POLQ: variants seen among roughly 807,000 people sequenced by gnomAD.
POLQ encodes DNA polymerase theta, also known as epididymis secretory sperm binding protein.
A neutral mutation model predicts 259.2 loss-of-function variants in POLQ; 233 were observed. The ratio of observed to expected loss-of-function variants is 0.90; its 90% CI spans 0.81 to 1.00. The LOEUF (loss-of-function observed/expected upper bound fraction) is 1.00. Among genes scored for constraint, POLQ ranks in the 50% least tolerant of loss-of-function variants. POLQ has a pLI of 0.00. For missense variants in POLQ, 2,871 were observed against 3,051.6 expected (o/e 0.94, Z 1.39); for synonymous variants, 1,025 against 1,048.8 (o/e 0.98, Z 0.44).
intron 16 of POLQ, among the ~76,000 whole-genome samples, chr3:121,486,245 A>C (rs2048009709): frequency 6.6e-6 from 1 of 152,234 alleles, no homozygotes; most frequent in Admixed American, 6.5e-5. Context: ...AGGATATTAC[A>C]ATTTAATAGA....
intron 14 of POLQ, chr3:121,494,301 G>A (rs527368579): frequency 2.1e-4 from 332 of 1,596,864 alleles, no homozygotes; most frequent in Admixed American, 3.5e-4. Context: ...AGGTTGCAGC[G>A]GCAGAGAGCC....
chr3:121,469,207 C>T (rs984530331), intron 22 of POLQ, among the ~76,000 whole-genome samples: 1 of 142,538 alleles, frequency 7.0e-6, no homozygotes, highest in Non-Finnish European at 1.5e-5. Context: ...AAAAAAAATG[C>T]TTATAAAGCC....
At chr3:121,503,537 A>T (rs887717769) in intron 12 of POLQ, among the ~76,000 whole-genome samples, 4 of 152,234 alleles carry the variant, frequency 2.6e-5, no homozygotes, top group Non-Finnish European at 5.9e-5. Context: ...AGGAAATAGA[A>T]GACTAAAATA....
At chr3:121,483,878 G>A (rs887957312) in intron 17 of POLQ, among the ~76,000 whole-genome samples, 4 of 152,104 alleles carry the variant, frequency 2.6e-5, no homozygotes, top group Non-Finnish European at 4.4e-5. Context: ...TTCCCAAAAT[G>A]AGGAGTTAAA....
intron 1 of POLQ, among the ~76,000 whole-genome samples, chr3:121,545,226 G>C (rs755175202): frequency 2.0e-5 from 3 of 152,158 alleles, no homozygotes; most frequent in Non-Finnish European, 4.4e-5. Flanking sequence ...AGTTAGGTGA[G>C]TTTCTATTTA....
intron 7 of POLQ, among the ~76,000 whole-genome samples, chr3:121,525,616 C>T (rs1338135609): frequency 6.6e-6 from 1 of 152,140 alleles, no homozygotes; most frequent in Non-Finnish European, 1.5e-5. Context: ...CGGTACCAAT[C>T]CTTTCGCCAT....
intron 21 of POLQ, among the ~76,000 whole-genome samples, chr3:121,472,743 G>A (rs747319269): frequency 9.2e-5 from 14 of 152,070 alleles, no homozygotes; most frequent in African/African-American, 1.9e-4. Context: ...CATAGATAAC[G>A]GTATAAGGAC....
chr3:121,439,862 C>T (rs943934652), intron 27 of POLQ, 130 bp downstream of exon 27: 7 of 765,468 alleles, frequency 9.1e-6, no homozygotes, highest in East Asian at 2.6e-5. Context: ...CAATGGTTGA[C>T]GTTGTCTATA....
Position 121,519,944 on chromosome 3 carries a change from A to G in POLQ, c.1395T>C (p.Gly465=), listed in dbSNP as rs759833081. 6.2e-7 allele frequency: 1 copy of G among 1,612,422 alleles called. No individual in the cohort carries two copies. Among genetic ancestry groups the G allele is most frequent in the East Asian group, 2.2e-5 (1 of 44,850 alleles). ...RRVIIRTPIF[G]GRPLDILTYK... ...AAGTAAGAATATCTAGAGGTCGACC[A>G]CCAAAAATAGGGGTTCGAATAATCA... Residue 465 remains glycine, a synonymous_variant, in exon 9 of 30, where the codon GGT becomes GGC. Transcript: ENST00000264233.
At chr3:121,465,484 T>C (rs1348750491) in intron 24 of POLQ, among the ~76,000 whole-genome samples, 2 of 152,226 alleles carry the variant, frequency 1.3e-5, no homozygotes, top group Admixed American at 6.5e-5. Flanking sequence ...CCTTGCTTTA[T>C]TGGACTTGAC....
intron 20 of POLQ, among the ~76,000 whole-genome samples, chr3:121,474,348 G>GT (rs2047908883): frequency 6.6e-6 from 1 of 152,192 alleles, no homozygotes. Context: ...TGCTAGAGAG[G>GT]GCCGGTAGCA....
At chr3:121,452,158 T>A (rs1347368328) in intron 25 of POLQ, among the ~76,000 whole-genome samples, 1 of 152,056 alleles carries the variant, frequency 6.6e-6, no homozygotes, top group Non-Finnish European at 1.5e-5. Flanking sequence ...AGGGTGGGAG[T>A]GACCCGATTT....
intron 8 of POLQ, among the ~76,000 whole-genome samples, chr3:121,520,947 T>G (rs1391973359): frequency 6.6e-6 from 1 of 152,208 alleles, no homozygotes; most frequent in Non-Finnish European, 1.5e-5. Context: ...TATACTTAGC[T>G]GGCTCATTTT....
rs753740561 is a variant in POLQ at position 121,449,335 on chromosome 3, G to A, written c.7244C>T (p.Ser2415Phe). 3 of 1,541,428 alleles carry A rather than the reference G, an allele frequency of 1.9e-6. No individual in the cohort carries two copies. In the East Asian group the frequency reaches 6.7e-5, roughly 35 times the overall value. The change falls in exon 26 of 30, where the codon TCC (serine) becomes TTC (phenylalanine). Residue 2415 changes from serine (S) to phenylalanine (F), a missense_variant. Physicochemically the swap from Ser to Phe is radical, Grantham distance 155. Around this residue, in one of 3 missense-constraint regions of POLQ, gnomAD observed 2,080 missense variants for 2,126.0 expected, o/e 0.98. Coordinates refer to ENST00000264233, the MANE Select transcript of POLQ (RefSeq NM_199420.4). ...KENDAACYID[S>F]FKSRYTGINQ... ...ATTACCTGTGTATCTGGATTTGAAG[G>A]AGTCAATATAGCATGCAGCATCATT...
rs757631654 is a variant in POLQ at position 121,529,763 on chromosome 3, A to G, written c.990T>C (p.Cys330=). Residue 330 remains cysteine, a synonymous_variant, in exon 7 of 30, where the codon TGT becomes TGC. Coordinates refer to ENST00000264233, the MANE Select transcript of POLQ (RefSeq NM_199420.4). The part of the protein sequence containing the change: ...KGDEDHVVSL[C]YETICDNHSV... ...AATGGTTATCACAAATCGTCTCATA[A>G]CATAAACTAACAACATGGTCCTCAT... The G allele has an allele frequency of 6.2e-7, 1 of 1,612,158 alleles. No individual in the cohort carries two copies.
rs1423298117 is a variant in POLQ at position 121,489,661 on chromosome 3, T to C, written c.3270A>G (p.Glu1090=). The C allele has an allele frequency of 6.2e-7, 1 of 1,614,088 alleles. No individual in the cohort carries two copies. The change falls in exon 16 of 30, where the codon GAA becomes GAG. Residue 1090 remains glutamate, a synonymous_variant. Coordinates refer to ENST00000264233, the MANE Select transcript of POLQ (RefSeq NM_199420.4). ...DPFTLDEKKT[E]FRNSGPFAKN... ...TAGCAAATGGCCCTGAATTTCTAAA[T>C]TCCGTTTTCTTCTCATCTAAGGTAA...
chr3:121,545,921 G>A lies in POLQ; in HGVS notation c.-44C>T, dbSNP rs1244990187. The A allele has an allele frequency of 1.9e-6, 3 of 1,609,268 alleles. No individual in the cohort carries two copies. The highest frequency in any genetic ancestry group is 2.2e-5 in the East Asian group (1 of 44,840). ...GATCAGGGCAAGCCACAGTCCCAGC[G>A]TCCTCCCTCTCGGGAGAACCCTGGC... On this transcript the variant is annotated 5_prime_UTR_variant, in exon 1 of 30. In the 5' UTR this introduces an upstream ATG that the reference lacks. Coordinates refer to ENST00000264233, the MANE Select transcript of POLQ (RefSeq NM_199420.4).
intron 9 of POLQ, among the ~76,000 whole-genome samples, chr3:121,519,298 T>C (rs918050749): frequency 5.9e-5 from 9 of 151,366 alleles, no homozygotes; most frequent in African/African-American, 1.2e-4. Flanking sequence ...CTAAATCATT[T>C]TATTGTATAC....
At chr3:121,463,636 C>G (rs755594136) in intron 24 of POLQ, among the ~76,000 whole-genome samples, 2 of 152,122 alleles carry the variant, frequency 1.3e-5, no homozygotes, top group Non-Finnish European at 2.9e-5. Flanking sequence ...CCATTCTTAG[C>G]TTACAAAATC....
Sources: allele counts gnomAD v4.1 joint callset (sites outside exome capture counted in the v4.1 genomes callset), GRCh38; gene constraint gnomAD v4.1.1; regional missense constraint gnomAD v4.1.1; transcripts MANE v1.5; gene names NCBI Gene and HGNC (gene_info 2026-07-23, HGNC 2026-07-21).